Variants in C10orf143 observed in about 807,000 individuals in gnomAD.
C10orf143 encodes the protein uncharacterized protein C10orf143.
At chr10:130,049,648 C>T (rs895804795) in intron 3 of C10orf143, among the ~76,000 whole-genome samples, 23 of 152,174 alleles carry the variant, frequency 1.5e-4, no homozygotes, top group Admixed American at 3.9e-4. Context: ...TTTGGGTTCA[C>T]GCTGTGGCCA....
chr10:130,069,932 G>T (rs547994157), intron 3 of C10orf143, among the ~76,000 whole-genome samples: 1 of 151,382 alleles, frequency 6.6e-6, no homozygotes, highest in Non-Finnish European at 1.5e-5. Flanking sequence ...TAGCATCCTC[G>T]TCCTTTTCTC....
At chr10:130,105,666 G>A (rs1051341500) in intron 1 of C10orf143, among the ~76,000 whole-genome samples, 11 of 152,234 alleles carry the variant, frequency 7.2e-5, no homozygotes, top group African/African-American at 2.6e-4. Flanking sequence ...GGAGGCAGAG[G>A]TTGCAGTGAG....
At chr10:130,083,007 G>A (rs1406265012) in intron 1 of C10orf143, among the ~76,000 whole-genome samples, 2 of 151,798 alleles carry the variant, frequency 1.3e-5, no homozygotes, top group Admixed American at 6.6e-5. Context: ...CTGATAAAAG[G>A]GGAAGAAAAA....
At chr10:130,071,752 C>T (rs12247510) in intron 3 of C10orf143, among the ~76,000 whole-genome samples, 3,361 of 152,138 alleles carry the variant, frequency 0.022, 48 homozygotes, top group Non-Finnish European at 0.034. Context: ...CTCAGCCTCC[C>T]GAGTAGCTGG....
downstream of C10orf143, among the ~76,000 whole-genome samples, chr10:130,063,613 A>T (rs1860881387): frequency 6.6e-6 from 1 of 152,168 alleles, no homozygotes; most frequent in African/African-American, 2.4e-5. Flanking sequence ...ATGATGACTT[A>T]TAGAGGGGGC....
At chr10:130,045,050 C>A (rs1860651484) in intron 3 of C10orf143, among the ~76,000 whole-genome samples, 1 of 152,208 alleles carries the variant, frequency 6.6e-6, no homozygotes, top group East Asian at 1.9e-4. Context: ...CCCTGTCCCC[C>A]CGTCCCCTCT....
At chr10:130,041,621 G>A (rs1297048458) in intron 3 of C10orf143, among the ~76,000 whole-genome samples, 1 of 152,154 alleles carries the variant, frequency 6.6e-6, no homozygotes, top group East Asian at 1.9e-4. Context: ...CAAAATTTGA[G>A]AGGAACTTAT....
chr10:130,086,075 C>A (rs1861286735), intron 1 of C10orf143, among the ~76,000 whole-genome samples: 1 of 152,292 alleles, frequency 6.6e-6, no homozygotes, highest in African/African-American at 2.4e-5. Context: ...TTCTAAATTG[C>A]CAATATCCCG....
intron 3 of C10orf143, among the ~76,000 whole-genome samples, chr10:130,043,027 G>A (rs934101571): frequency 7.2e-5 from 11 of 152,218 alleles, no homozygotes; most frequent in South Asian, 2.1e-4. Context: ...CCTGCAAAAC[G>A]CTGATGCTCA....
chr10:130,098,540 A>G (rs1025718850), intron 1 of C10orf143, among the ~76,000 whole-genome samples: 3 of 152,184 alleles, frequency 2.0e-5, no homozygotes, highest in African/African-American at 7.2e-5. Context: ...CCTTTCACCA[A>G]TTCTCAGTTA....
intron 1 of C10orf143, among the ~76,000 whole-genome samples, chr10:130,083,234 T>C (rs1260793839): frequency 6.6e-6 from 1 of 152,254 alleles, no homozygotes; most frequent in African/African-American, 2.4e-5. Flanking sequence ...CAAGATATCA[T>C]TTATCATCAG....
intron 1 of C10orf143, chr10:130,106,868 A>G (rs1175936496): frequency 1.8e-6 from 2 of 1,113,888 alleles, no homozygotes; most frequent in Non-Finnish European, 2.8e-6. Flanking sequence ...GCTAAAGATG[A>G]AAGATTGGGC....
At chr10:130,073,064 T>C (rs1478726012) in intron 3 of C10orf143, among the ~76,000 whole-genome samples, 2 of 152,212 alleles carry the variant, frequency 1.3e-5, no homozygotes, top group Non-Finnish European at 2.9e-5. Context: ...GTTAGAGACT[T>C]TGATTCTACT....
chr10:130,107,631 CGA>C, intron 1 of C10orf143: 1 of 1,335,488 alleles, frequency 7.5e-7, no homozygotes, highest in Non-Finnish European at 1.1e-6. Context: ...TCATCTGAAA[CGA>C]GAGCTTTTCT....
intron 3 of C10orf143, among the ~76,000 whole-genome samples, chr10:130,074,573 A>G (rs1861085109): frequency 6.6e-6 from 1 of 152,128 alleles, no homozygotes; most frequent in Admixed American, 6.5e-5. Context: ...GACCCGCCCT[A>G]GCAAGCACAG....
At chr10:130,078,786 C>A (rs1273384527) in intron 3 of C10orf143, among the ~76,000 whole-genome samples, 2 of 152,120 alleles carry the variant, frequency 1.3e-5, no homozygotes, top group African/African-American at 4.8e-5. Context: ...TTGACTCAAT[C>A]TTTTGCTTAT....
chr10:130,105,502 A>C (rs931237774), intron 1 of C10orf143, among the ~76,000 whole-genome samples: 19 of 152,102 alleles, frequency 1.2e-4, no homozygotes, highest in Non-Finnish European at 1.3e-4. Context: ...AGGCTGAGGC[A>C]GGCGGATCAC....
intron 1 of C10orf143, chr10:130,106,246 G>T (rs775206080): frequency 3.1e-5 from 45 of 1,464,060 alleles, no homozygotes; most frequent in Non-Finnish European, 4.1e-5. Context: ...GATCGGTTAG[G>T]AGTCGGCTTT....
chr10:130,037,950 G>T (rs1564950076), intron 3 of C10orf143, among the ~76,000 whole-genome samples: 1 of 152,124 alleles, frequency 6.6e-6, no homozygotes, highest in Admixed American at 6.5e-5. Context: ...TCCGGCAGGC[G>T]TCTCCCTCAG....
Sources: allele counts gnomAD v4.1 joint callset (sites outside exome capture counted in the v4.1 genomes callset), GRCh38; gene constraint gnomAD v4.1.1; transcripts MANE v1.5; gene names NCBI Gene and HGNC (gene_info 2026-07-23, HGNC 2026-07-21).